ZNF711: variants seen among roughly 807,000 people sequenced by gnomAD.
ZNF711 encodes the protein zinc finger protein 711.
A neutral mutation model predicts 43.5 loss-of-function variants in ZNF711; 3 were observed. That is an observed-to-expected ratio of 0.07 (90% CI 0.03 to 0.18). ZNF711 has a LOEUF of 0.18. Ranked by LOEUF, ZNF711 falls within the 10% of genes least tolerant of loss-of-function variation. The pLI, the probability that ZNF711 is intolerant of heterozygous loss-of-function variation, is 1.00. For missense variants in ZNF711, 412 were observed against 604.0 expected (o/e 0.68, Z 3.33); for synonymous variants, 209 against 207.7 (o/e 1.01, Z -0.06).
At chrX:85,264,543 T>C in intron 6 of ZNF711, 113 bp downstream of exon 6, 2 of 667,975 alleles carry the variant, frequency 3.0e-6, no homozygotes, top group Middle Eastern at 5.2e-4. Context: ...TACGTTTTCT[T>C]TGGGAATAGT....
intron 5 of ZNF711, among the ~76,000 whole-genome samples, chrX:85,258,427 G>A (rs889853100): frequency 5.4e-5 from 6 of 110,840 alleles, no homozygotes; most frequent in Non-Finnish European, 1.1e-4. Flanking sequence ...TACAGTGTAC[G>A]CTGCTCAGGT....
In ZNF711 at chrX:85,244,156, C is replaced by CGGCGGCGGCGGCGGCGGCGGCGGCG. The variant is rs1319208451; in HGVS notation, c.-438_-437insGGCGGCGGCGGCGGCGGCGGCGGGC. Reference sequence around the variant, plus strand: ...GCGGCGGCGGCGGCGGCAGCGGCGGCGGCAGCGGCGGCGGCAGCTGTAGCT... The same window carrying CGGCGGCGGCGGCGGCGGCGGCGGCG: ...GCGGCGGCGGCGGCGGCAGCGGCGGCGGCGGCGGCGGCGGCGGCGGCGGCGGGCAGCGGCGGCGGCAGCTGTAGCT... On this transcript the variant is annotated 5_prime_UTR_variant, in exon 1 of 11. Transcript: ENST00000674551. 2.0e-5 allele frequency: 3 copies of CGGCGGCGGCGGCGGCGGCGGCGGCG among 149,150 alleles called. No homozygotes were observed. 12.3% of individuals were successfully genotyped at this position (149,150 alleles called of 1,213,427 possible). A position where few individuals can be genotyped will look rare whatever the true frequency, so the allele number is the denominator to read the frequency against.
At chrX:85,270,176 T>C in intron 10 of ZNF711, 30 bp downstream of exon 10, 1 of 1,184,741 alleles carries the variant, frequency 8.4e-7, no homozygotes, top group Non-Finnish European at 1.1e-6. Flanking sequence ...AATATTATAA[T>C]TATTTGAGAT....
At position 85,269,762 on chromosome X, in the gene ZNF711, G is replaced by A. The variant is rs1931413309; in HGVS notation, c.1103-241G>A. Among the ~76,000 whole-genome samples the A allele has an allele frequency of 2.7e-5, 3 of 111,639 alleles. No homozygotes were observed. The Admixed American group carries it at 2.9e-4, about 11-fold the overall frequency. ...TAAATTTAATTGATGATCAAATTGA[G>A]ATATTTTAAAGTTAATTTCACATGA... On this transcript the variant is annotated intron_variant, in intron 9 of 10. Coordinates refer to ENST00000674551, the MANE Select transcript of ZNF711 (RefSeq NM_001330574.2).
intron 2 of ZNF711, among the ~76,000 whole-genome samples, chrX:85,246,664 A>G (rs1929075401): frequency 1.8e-5 from 2 of 112,228 alleles, no homozygotes; most frequent in Admixed American, 9.4e-5. Context: ...ATGTTTGAAG[A>G]GAAAATGCAC....
intron 6 of ZNF711, among the ~76,000 whole-genome samples, chrX:85,264,657 CAA>C (rs1930946818): frequency 9.0e-6 from 1 of 111,062 alleles, no homozygotes; most frequent in Admixed American, 9.6e-5. Flanking sequence ...AATATCAAAA[CAA>C]ATGATTGGAG....
chrX:85,262,721 C>G, intron 5 of ZNF711, among the ~76,000 whole-genome samples: 1 of 110,401 alleles, frequency 9.1e-6, no homozygotes, highest in East Asian at 2.8e-4. Flanking sequence ...CTTTCATAGA[C>G]AGTAAGCTAT....
intron 4 of ZNF711, among the ~76,000 whole-genome samples, chrX:85,253,808 C>T (rs959201575): frequency 5.5e-5 from 6 of 109,412 alleles, no homozygotes; most frequent in African/African-American, 2.0e-4. Context: ...CACAGACACC[C>T]TTGGCAACCA....
intron 4 of ZNF711, among the ~76,000 whole-genome samples, chrX:85,247,902 C>T (rs777250198): frequency 4.3e-4 from 48 of 110,801 alleles, no homozygotes; most frequent in Non-Finnish European, 8.3e-4. Context: ...ATGAAAAACT[C>T]AATTTACATA....
chrX:85,246,864 G>T (rs1219520195), intron 2 of ZNF711, 66 bp from the exon 3 acceptor site: 3 of 293,428 alleles, frequency 1.0e-5, no homozygotes, highest in African/African-American at 5.5e-5. Context: ...ACAAGTAAAT[G>T]AAATGCTGAG....
chrX:85,259,541 T>G (rs1187161055), intron 5 of ZNF711, among the ~76,000 whole-genome samples: 1 of 111,598 alleles, frequency 9.0e-6, no homozygotes, highest in Admixed American at 9.5e-5. Context: ...TGGAATGTTT[T>G]TCCATTTGTT....
At position 85,271,450 on chromosome X, in the gene ZNF711, G is replaced by A; in HGVS notation, c.2046G>A (p.Lys682=). Residue 682 remains lysine, a synonymous_variant, in exon 11 of 11, where the codon AAG becomes AAA. Transcript: ENST00000674551. ...TTCATCGTCCTTCTGAGCTCAAAAA[G>A]CATAGTGATATCCATAAGGGTAGGA... ...KGFHRPSELK[K]HSDIHKGRKI... 1 of 1,211,213 alleles carries A rather than the reference G, an allele frequency of 8.3e-7. No homozygotes were observed. The highest frequency in any genetic ancestry group is 1.1e-6 in the Non-Finnish European group (1 of 895,223).
chrX:85,265,956 C>T (rs766895202), intron 7 of ZNF711, among the ~76,000 whole-genome samples: 9 of 111,659 alleles, frequency 8.1e-5, no homozygotes, highest in Non-Finnish European at 1.5e-4. Flanking sequence ...TACCACAGGA[C>T]GATCAAACCT....
chrX:85,264,461 A>T, intron 6 of ZNF711, 31 bp downstream of exon 6: 2 of 1,150,612 alleles, frequency 1.7e-6, no homozygotes, highest in Non-Finnish European at 1.2e-6. Context: ...TTATTGCTCC[A>T]ATAGGAGTTA....
chrX:85,244,185 G>A lies in ZNF711; in HGVS notation c.-412G>A. The A allele has an allele frequency of 6.7e-6, 1 of 149,497 alleles. No individual in the cohort carries two copies. 12.3% of individuals were successfully genotyped at this position (149,497 alleles called of 1,213,427 possible). On this transcript the variant is annotated 5_prime_UTR_variant, in exon 1 of 11. Coordinates refer to ENST00000674551, the MANE Select transcript of ZNF711 (RefSeq NM_001330574.2). Reference sequence around the variant, plus strand: ...AGCGGCGGCGGCAGCTGTAGCTGCAGCAGCAGGTAAGGAGACTCCTGACGA... The same window carrying A: ...AGCGGCGGCGGCAGCTGTAGCTGCAACAGCAGGTAAGGAGACTCCTGACGA...
At position 85,244,121 on chromosome X, in the gene ZNF711, G is replaced by C. The variant is rs1169057338; in HGVS notation, c.-476G>C. 6.7e-6 allele frequency: 1 copy of C among 148,632 alleles called. No individual in the cohort carries two copies. Among genetic ancestry groups the C allele is most frequent in the Non-Finnish European group, 1.2e-5 (1 of 80,760 alleles). 12.2% of individuals were successfully genotyped at this position (148,632 alleles called of 1,213,427 possible). Reference sequence around the variant, plus strand: ...GCGGTCACAGTCCGACTGGCGGCACGGAGGCGGCGGCGGCGGCGGCGGCGG... The same window carrying C: ...GCGGTCACAGTCCGACTGGCGGCACCGAGGCGGCGGCGGCGGCGGCGGCGG... On this transcript the variant is annotated 5_prime_UTR_variant, in exon 1 of 11. Transcript: ENST00000674551.
intron 7 of ZNF711, among the ~76,000 whole-genome samples, chrX:85,266,089 A>G (rs1294134615): frequency 2.7e-5 from 3 of 111,156 alleles, no homozygotes; most frequent in Admixed American, 1.9e-4. Context: ...CTGTCTTCTT[A>G]CTATGCTGAG....
intron 5 of ZNF711, among the ~76,000 whole-genome samples, chrX:85,263,261 A>G (rs747994667): frequency 9.0e-6 from 1 of 111,235 alleles, no homozygotes; most frequent in Admixed American, 9.6e-5. Context: ...GTTATCCTAA[A>G]AGACTATACA....
chrX:85,270,250 T>G, intron 10 of ZNF711, 104 bp downstream of exon 10: 1 of 866,481 alleles, frequency 1.2e-6, no homozygotes, highest in Non-Finnish European at 1.6e-6. Context: ...CTACTCTCCA[T>G]GTACCTGTTT....
Sources: allele counts gnomAD v4.1 joint callset (sites outside exome capture counted in the v4.1 genomes callset), GRCh38; gene constraint gnomAD v4.1.1; transcripts MANE v1.5; gene names NCBI Gene and HGNC (gene_info 2026-07-23, HGNC 2026-07-21).